The following DIP2B variants were observed in gnomAD, a reference collection of about 807,000 sequenced individuals.
The protein encoded by DIP2B is DIP2 acetate--CoA ligase B (putative).
A neutral mutation model predicts 198.0 loss-of-function variants in DIP2B; 76 were observed. The ratio of observed to expected loss-of-function variants is 0.38; its 90% CI spans 0.32 to 0.46. The LOEUF is 0.46. Among genes scored for constraint, DIP2B ranks in the 20% least tolerant of loss-of-function variants. The pLI is 0.99. For synonymous variants in DIP2B, 701 were observed against 739.1 expected (o/e 0.95, Z 0.84); for missense variants, 1,559 against 1,978.4 (o/e 0.79, Z 4.02).
chr12:50,604,962 C>T (rs904419864), intron 1 of DIP2B, among the ~76,000 whole-genome samples: 4 of 152,206 alleles, frequency 2.6e-5, no homozygotes, highest in African/African-American at 9.6e-5. Context: ...TTCAGATGCA[C>T]AGGAGATAAG....
At chr12:50,735,748 G>A (rs1377104304) in intron 34 of DIP2B, among the ~76,000 whole-genome samples, 2 of 152,208 alleles carry the variant, frequency 1.3e-5, no homozygotes, top group Non-Finnish European at 2.9e-5. Context: ...ACAGGCATGA[G>A]CCACTATGCC....
At chr12:50,663,785 G>A (rs1027684469) in intron 4 of DIP2B, among the ~76,000 whole-genome samples, 17 of 149,058 alleles carry the variant, frequency 1.1e-4, no homozygotes, top group African/African-American at 3.5e-4. Flanking sequence ...TGGGAGGATC[G>A]CTTGATCCCC....
At chr12:50,703,997 C>A (rs1288720670) in intron 19 of DIP2B, 143 bp from the exon 20 acceptor site, 5 of 529,616 alleles carry the variant, frequency 9.4e-6, no homozygotes, top group East Asian at 4.0e-5. Flanking sequence ...GTAATTATTT[C>A]TTATCTCTAA....
At chr12:50,587,594 A>C (rs1958781892) in intron 1 of DIP2B, among the ~76,000 whole-genome samples, 1 of 152,204 alleles carries the variant, frequency 6.6e-6, no homozygotes, top group African/African-American at 2.4e-5. Flanking sequence ...GGAATTTGTC[A>C]ATACTCTCTC....
At chr12:50,551,950 T>C (rs1248700231) in intron 1 of DIP2B, among the ~76,000 whole-genome samples, 1 of 152,212 alleles carries the variant, frequency 6.6e-6, no homozygotes, top group African/African-American at 2.4e-5. Flanking sequence ...TTGGATAATA[T>C]GGTAGCTCTA....
chr12:50,695,715 C>A, intron 15 of DIP2B, 133 bp from the exon 16 acceptor site: 1 of 1,301,258 alleles, frequency 7.7e-7, no homozygotes, highest in Non-Finnish European at 1.1e-6. Flanking sequence ...GGCACAATCT[C>A]TTTGAAACCG....
chr12:50,739,662 G>A, intron 36 of DIP2B, 76 bp downstream of exon 36: 1 of 1,547,692 alleles, frequency 6.5e-7, no homozygotes, highest in Admixed American at 1.8e-5. Context: ...AGCCTGCGTT[G>A]GATTGTGGAG....
intron 1 of DIP2B, among the ~76,000 whole-genome samples, chr12:50,572,294 T>G (rs1449058625): frequency 6.6e-6 from 1 of 152,224 alleles, no homozygotes; most frequent in Non-Finnish European, 1.5e-5. Context: ...CATGCCCTCC[T>G]CCCTTTTAAA....
At chr12:50,547,200 T>G (rs10876055) in intron 1 of DIP2B, among the ~76,000 whole-genome samples, 48,104 of 152,004 alleles carry the variant, frequency 0.32, 7,792 homozygotes, top group South Asian at 0.39. Context: ...GATGATTGAT[T>G]ATTGATTCAG....
chr12:50,657,911 T>C (rs1472465995), intron 3 of DIP2B, among the ~76,000 whole-genome samples: 1 of 152,000 alleles, frequency 6.6e-6, no homozygotes, highest in Non-Finnish European at 1.5e-5. Context: ...GAGGACATTA[T>C]TGGGACAATA....
chr12:50,675,015 T>C (rs1322853866), intron 6 of DIP2B, among the ~76,000 whole-genome samples: 1 of 152,052 alleles, frequency 6.6e-6, no homozygotes, highest in Non-Finnish European at 1.5e-5. Context: ...ATACAAAAAA[T>C]TAGGCGGAGC....
intron 26 of DIP2B, among the ~76,000 whole-genome samples, chr12:50,722,253 GTTTATTTTATTTTATTTTAT>G (rs147287033): frequency 2.4e-4 from 35 of 143,174 alleles, no homozygotes; most frequent in African/African-American, 4.0e-4. Context: ...TTGTTTGTTT[GTTTATTTTATTTTATTTTAT>G]TTTATTTTAT....
intron 1 of DIP2B, among the ~76,000 whole-genome samples, chr12:50,570,017 T>G (rs1958599353): frequency 6.6e-6 from 1 of 152,216 alleles, no homozygotes; most frequent in African/African-American, 2.4e-5. Flanking sequence ...TAGAAACTTG[T>G]CTCTTCAGTG....
chr12:50,671,243 C>A lies in DIP2B; in HGVS notation c.485C>A (p.Ala162Asp), dbSNP rs979197395. 6.8e-6 allele frequency: 11 copies of A among 1,614,098 alleles called. No homozygotes were observed. In the Admixed American group the frequency reaches 1.7e-4, roughly 24 times the overall value. ...CTGAGACGCCAAGCTGCGCTCTCTG[C>A]TGCCTTGCAACAGAGCTTACAGAAT... The part of the protein sequence containing the change: ...GSLRRQAALS[A>D]ALQQSLQNAE... Residue 162 changes from alanine to aspartate, a missense_variant, in exon 5 of 38, where the codon GCT (alanine) becomes GAT (aspartate). Physicochemically the swap from Ala to Asp is moderately radical, Grantham distance 126 (BLOSUM62 -2). Transcript: ENST00000301180.
chr12:50,688,169 G>A lies in DIP2B; in HGVS notation c.1551+1487G>A, dbSNP rs561264854. 5.3e-5 allele frequency among the ~76,000 whole-genome samples: 8 copies of A among 152,114 alleles called. No individual in the cohort carries two copies. In the East Asian group the frequency reaches 9.7e-4, roughly 18 times the overall value. On this transcript the variant is annotated intron_variant, in intron 12 of 37. Transcript: ENST00000301180. ...AGAGGTTGCAGTGAGCTGAGATCAC[G>A]CCACTGCACTAGAGAGGCTGGATGC... is the stretch of plus-strand genomic sequence containing the variant.
chr12:50,515,764 C>G (rs372913872), intron 1 of DIP2B, among the ~76,000 whole-genome samples: 207 of 152,278 alleles, frequency 1.4e-3, no homozygotes, highest in African/African-American at 4.8e-3. Flanking sequence ...ACGTGGTTCC[C>G]TAGTCTGTAT....
At chr12:50,693,068 G>A in intron 14 of DIP2B, 55 bp downstream of exon 14, 2 of 1,510,908 alleles carry the variant, frequency 1.3e-6, no homozygotes, top group Non-Finnish European at 9.0e-7. Context: ...GATAAGGCCA[G>A]CATGTTGTAT....
chr12:50,574,293 C>G (rs1485959980), intron 1 of DIP2B, among the ~76,000 whole-genome samples: 1 of 152,222 alleles, frequency 6.6e-6, no homozygotes, highest in African/African-American at 2.4e-5. Context: ...AATAGCACCT[C>G]TCTTCTCCAC....
intron 3 of DIP2B, among the ~76,000 whole-genome samples, chr12:50,658,284 G>A (rs571100440): frequency 6.6e-6 from 1 of 152,002 alleles, no homozygotes; most frequent in African/African-American, 2.4e-5. Context: ...TTACAGGTGC[G>A]TGCTACCATG....
Sources: gnomAD v4.1 joint callset for allele counts (sites outside exome capture counted in the v4.1 genomes callset) on GRCh38, gnomAD v4.1.1 for gene constraint, MANE v1.5 for transcripts, NCBI Gene and HGNC (gene_info 2026-07-23, HGNC 2026-07-21) for gene names.